Variants in MED25 observed in about 807,000 individuals in gnomAD.
The protein encoded by MED25 is mediator of RNA polymerase II transcription subunit 25.
MED25 carries 62 observed loss-of-function variants against 89.4 expected under a neutral mutation model. The ratio of observed to expected loss-of-function variants is 0.69; its 90% CI spans 0.57 to 0.86. The LOEUF (loss-of-function observed/expected upper bound fraction) is 0.86, where lower values mean the gene tolerates loss of function less well. Among genes scored for constraint, MED25 ranks in the 40% least tolerant of loss-of-function variants. MED25 has a pLI of 0.00. For synonymous variants in MED25, 449 were observed against 427.9 expected, an observed-to-expected ratio of 1.05 and a Z score of -0.61; for missense variants, 905 against 1,005.2, an observed-to-expected ratio of 0.90 and a Z score of 1.35.
Position 49,835,075 on chromosome 19 carries a change from C to CCT in MED25, c.1574_1575dup (p.Ile526SerfsTer72). On this transcript the variant is annotated frameshift_variant, in exon 14 of 18. Coordinates refer to ENST00000312865, the MANE Select transcript of MED25 (RefSeq NM_030973.4). LOFTEE classifies it high-confidence loss of function. The surrounding 1 kb of genome is among the most constrained non-coding windows in gnomAD (Gnocchi z 6.2). Reference sequence around the variant, plus strand: ...CGTCCAAGAAGAAGATCTTCATGGGCCTCATCCCCTACGACCAGAGCGGCT... The same window carrying CCT: ...CGTCCAAGAAGAAGATCTTCATGGGCCTCTCATCCCCTACGACCAGAGCGGCT... The CCT allele has an allele frequency of 6.2e-7, 1 of 1,614,118 alleles. No homozygotes were observed. Among genetic ancestry groups the CCT allele is most frequent in the Non-Finnish European group, 8.5e-7 (1 of 1,180,012 alleles).
rs976984298 is a variant in MED25, at chr19:49,834,579, G to A, written c.1483-407G>A. ...GGGCTGGAGGATCTCTTGGATACCCGGGGTCCGACCCACCGTTGATCACAG... is the reference window on the plus strand; with the variant it reads ...GGGCTGGAGGATCTCTTGGATACCCAGGGTCCGACCCACCGTTGATCACAG... On this transcript the variant is annotated intron_variant, in intron 13 of 17. Transcript: ENST00000312865. The surrounding 1 kb of genome is among the most constrained non-coding windows in gnomAD (Gnocchi z 4.1). 2.7e-5 allele frequency: 8 copies of A among 297,920 alleles called. No individual in the cohort carries two copies. The highest frequency in any genetic ancestry group is 2.3e-4 in the South Asian group (7 of 30,238). 18.5% of individuals were successfully genotyped at this position (297,920 alleles called of 1,614,324 possible). A position where few individuals can be genotyped will look rare whatever the true frequency, so the allele number is the denominator to read the frequency against.
Position 49,835,642 on chromosome 19 carries a change from G to A in MED25, c.1746+37G>A. ...GCTGGCGGGGTCGGGGCTGGGTTGG[G>A]GAGGCCCCAAGGCTGCGCTCTGTGC... On this transcript the variant is annotated intron_variant, in intron 15 of 17. Coordinates refer to ENST00000312865, the MANE Select transcript of MED25 (RefSeq NM_030973.4). This position sits in a 1 kb window ranked among gnomAD's most constrained non-coding sequence, Gnocchi z 6.2. The A allele has an allele frequency of 6.4e-7, 1 of 1,559,042 alleles. No individual in the cohort carries two copies. The highest frequency in any genetic ancestry group is 8.7e-7 in the Non-Finnish European group (1 of 1,152,028).
At chr19:49,826,114 G>A (rs536412435) in intron 3 of MED25, among the ~76,000 whole-genome samples, 1 of 152,296 alleles carries the variant, frequency 6.6e-6, no homozygotes, top group Non-Finnish European at 1.5e-5. Flanking sequence ...GCCGAGGCGG[G>A]TGGATCATAA....
Position 49,835,230 on chromosome 19 carries a change from C to G in MED25, c.1674+53C>G, listed in dbSNP as rs930578234. 1 of 1,590,598 alleles carries G rather than the reference C, an allele frequency of 6.3e-7. No homozygotes were observed. The highest frequency in any genetic ancestry group is 8.6e-7 in the Non-Finnish European group (1 of 1,159,418). ...ACTCCGACCCCCTCCTGCCCGGGCC[C>G]CACATGGCCCCCTGGGGTCTCCAGG... is the stretch of plus-strand genomic sequence containing the variant. On this transcript the variant is annotated intron_variant, in intron 14 of 17. Transcript: ENST00000312865. The surrounding 1 kb of genome is among the most constrained non-coding windows in gnomAD (Gnocchi z 6.2).
In MED25 at chr19:49,834,594, G is replaced by A. The variant is rs1044724709; in HGVS notation, c.1483-392G>A. On this transcript the variant is annotated intron_variant, in intron 13 of 17. Coordinates refer to ENST00000312865, the MANE Select transcript of MED25 (RefSeq NM_030973.4). The surrounding 1 kb of genome is among the most constrained non-coding windows in gnomAD (Gnocchi z 4.1). ...TTGGATACCCGGGGTCCGACCCACC[G>A]TTGATCACAGGCCTGTGGGTACCAC... 9 of 318,738 alleles carry A rather than the reference G, an allele frequency of 2.8e-5. No individual in the cohort carries two copies. Among genetic ancestry groups the A allele is most frequent in the Non-Finnish European group, 4.3e-5 (7 of 162,916 alleles). The allele number at this position is 318,738 out of a possible 1,614,324, so 19.7% of individuals were successfully genotyped here.
At chr19:49,823,251 G>A (rs1420033552) in intron 3 of MED25, among the ~76,000 whole-genome samples, 3 of 152,124 alleles carry the variant, frequency 2.0e-5, no homozygotes, top group African/African-American at 4.8e-5. Flanking sequence ...CCTGAGCTGC[G>A]GTGCCAAGTC....
rs1218452788 is a variant in MED25 at position 49,832,354 on chromosome 19, A to G, written c.1421A>G (p.His474Arg). The G allele has an allele frequency of 1.9e-6, 3 of 1,611,200 alleles. No individual in the cohort carries two copies. In the African/African-American group the frequency reaches 4.0e-5, roughly 22 times the overall value. ...CGGAACTCAAGGATGGTCCAGTTCC[A>G]TTTCACCAACAAGGACCTGGAGTCT... The part of the protein sequence containing the change: ...LFRNSRMVQF[H>R]FTNKDLESLK... The change falls in exon 13 of 18, where the codon CAT (histidine) becomes CGT (arginine). Residue 474 changes from histidine (H) to arginine (R), a missense_variant. By Grantham distance (29) the His-to-Arg change is conservative. This residue lies in a region of MED25 where 133 missense variants were observed against 220.2 expected (regional missense o/e 0.60). Coordinates refer to ENST00000312865, the MANE Select transcript of MED25 (RefSeq NM_030973.4).
rs1240586098 is a variant in MED25 at position 49,828,617 on chromosome 19, G to A, written c.404+70G>A. 2.7e-5 allele frequency: 35 copies of A among 1,294,292 alleles called. No individual in the cohort carries two copies. In the East Asian group the frequency reaches 7.6e-4, roughly 28 times the overall value. The allele number at this position is 1,294,292 out of a possible 1,614,324, so 80.2% of individuals were successfully genotyped here. On this transcript the variant is annotated intron_variant, in intron 4 of 17. Coordinates refer to ENST00000312865, the MANE Select transcript of MED25 (RefSeq NM_030973.4). ...GGCCTGGAACCACTTTGCCTGTCGA[G>A]TGGTTCTACCTCCAGCCTCACCCTG...
At position 49,830,515 on chromosome 19, in the gene MED25, C is replaced by T. The variant is rs1001322913; in HGVS notation, c.824C>T (p.Pro275Leu). ...CTTCTTCCCTTCTACCCACAGGTTC[C>T]CGGGAACCTGAGTGCAGCTCAGGTG... ...LPPVPPQYQV[P>L]GNLSAAQVAA... Residue 275 changes from proline (P) to leucine (L), a missense_variant, in exon 8 of 18, where the codon CCC (proline) becomes CTC (leucine). Pro to Leu is a moderately conservative substitution (Grantham distance 98). Transcript: ENST00000312865. This position sits in a 1 kb window ranked among gnomAD's most constrained non-coding sequence, Gnocchi z 4.6. The T allele has an allele frequency of 1.2e-5, 20 of 1,613,972 alleles. No individual in the cohort carries two copies. Among genetic ancestry groups the T allele is most frequent in the Non-Finnish European group, 1.7e-5 (20 of 1,179,994 alleles).
rs566667553 is a variant in MED25, at chr19:49,835,827, G to T, written c.1847G>T (p.Gly616Val). The change falls in exon 16 of 18, where the codon GGT (glycine) becomes GTT (valine). Residue 616 changes from glycine to valine, a missense_variant. This residue lies in a region of MED25 where 271 missense variants were observed against 258.1 expected (regional missense o/e 1.05). Transcript: ENST00000312865. The surrounding 1 kb of genome is among the most constrained non-coding windows in gnomAD (Gnocchi z 6.2). ...QPQGTAQPPPGAPQGPPGAAS... is the reference protein window; with the variant it reads ...QPQGTAQPPPVAPQGPPGAAS... ...CAAGGTACTGCCCAGCCCCCGCCAG[G>T]TGCCCCTCAAGGCCCTCCTGGAGCA... is the stretch of plus-strand genomic sequence containing the variant. The T allele has an allele frequency of 3.1e-6, 5 of 1,610,842 alleles. No individual in the cohort carries two copies. Among genetic ancestry groups the T allele is most frequent in the Non-Finnish European group, 3.4e-6 (4 of 1,178,566 alleles).
intron 11 of MED25, 25 bp from the exon 12 acceptor site, chr19:49,832,075 A>G: frequency 6.2e-7 from 1 of 1,613,240 alleles, no homozygotes; most frequent in Non-Finnish European, 8.5e-7. Flanking sequence ...CCCCCTCCTC[A>G]CACCTCTCCT....
rs755874787 is a variant in MED25 at position 49,836,591 on chromosome 19, T to G, written c.2146+185T>G. ...ACAGCCCATGGGTCCAAGGACCTAGTGGGTTAAGAGCGTTTCCCATGATCC... is the reference window on the plus strand; with the variant it reads ...ACAGCCCATGGGTCCAAGGACCTAGGGGGTTAAGAGCGTTTCCCATGATCC... On this transcript the variant is annotated intron_variant, in intron 17 of 17. Transcript: ENST00000312865. This position sits in a 1 kb window ranked among gnomAD's most constrained non-coding sequence, Gnocchi z 5.1. 1.3e-6 allele frequency: 1 copy of G among 796,492 alleles called. No individual in the cohort carries two copies. Among genetic ancestry groups the G allele is most frequent in the South Asian group, 1.5e-5 (1 of 68,408 alleles). The allele number at this position is 796,492 out of a possible 1,614,324, so 49.3% of individuals were successfully genotyped here.
downstream of MED25, chr19:49,839,351 G>A (rs1297954057): frequency 1.2e-5 from 2 of 161,756 alleles, no homozygotes; most frequent in South Asian, 1.7e-4. Context: ...GCAAGGACAC[G>A]GAAGTTGGGT....
Position 49,831,286 on chromosome 19 carries a change from T to C in MED25, c.1102-47T>C. 1 of 1,592,668 alleles carries C rather than the reference T, an allele frequency of 6.3e-7. No individual in the cohort carries two copies. Among genetic ancestry groups the C allele is most frequent in the Non-Finnish European group, 8.5e-7 (1 of 1,171,722 alleles). Reference sequence around the variant, plus strand: ...CCCTCACAGGATGGCCCCCGGAGGCTCCCGGCCTTCCCCATTCTCATGGCC... The same window carrying C: ...CCCTCACAGGATGGCCCCCGGAGGCCCCCGGCCTTCCCCATTCTCATGGCC... On this transcript the variant is annotated intron_variant, in intron 9 of 17. Transcript: ENST00000312865. This position sits in a 1 kb window ranked among gnomAD's most constrained non-coding sequence, Gnocchi z 5.0.
chr19:49,839,435 C>G (rs1210147887), downstream of MED25: 2 of 152,922 alleles, frequency 1.3e-5, no homozygotes, highest in Non-Finnish European at 2.9e-5. Context: ...CTCGACACTT[C>G]CGCTCCTGGA....
At chr19:49,819,509 G>T in intron 3 of MED25, 1 of 583,636 alleles carries the variant, frequency 1.7e-6, no homozygotes, top group Non-Finnish European at 3.1e-6. Context: ...TTGGGTTTGA[G>T]CTGCAGGAAA....
At position 49,829,114 on chromosome 19, in the gene MED25, A is replaced by T. The variant is rs1355276653; in HGVS notation, c.525+24A>T. 2 of 1,607,610 alleles carry T rather than the reference A, an allele frequency of 1.2e-6. No homozygotes were observed. The highest frequency in any genetic ancestry group is 8.5e-7 in the Non-Finnish European group (1 of 1,176,440). On this transcript the variant is annotated intron_variant, in intron 5 of 17. Transcript: ENST00000312865. The surrounding 1 kb of genome is among the most constrained non-coding windows in gnomAD (Gnocchi z 4.6). ...AGGTGAGGACTCCAGGGTCTGAGGG[A>T]CGAGGGTCTGGGGGCCCGGAGTCTT...
Position 49,829,826 on chromosome 19 carries a change from C to T in MED25, c.566C>T (p.Pro189Leu). Residue 189 changes from proline (P) to leucine (L), a missense_variant, in exon 6 of 18, where the codon CCT (proline) becomes CTT (leucine). This residue lies in a region of MED25 where 501 missense variants were observed against 526.9 expected (regional missense o/e 0.95). Transcript: ENST00000312865. The surrounding 1 kb of genome is among the most constrained non-coding windows in gnomAD (Gnocchi z 4.6). ...TCCATTGTGTCTCCCCGGAAGCTGC[C>T]TGCGCTTCGGCTTCTGTTTGAGAAG... ...HFSIVSPRKL[P>L]ALRLLFEKAA... 1 of 1,608,024 alleles carries T rather than the reference C, an allele frequency of 6.2e-7. No homozygotes were observed. Among genetic ancestry groups the T allele is most frequent in the Non-Finnish European group, 8.5e-7 (1 of 1,177,490 alleles).
In MED25 at chr19:49,834,797, A is replaced by T. The variant is rs2074083633; in HGVS notation, c.1483-189A>T. On this transcript the variant is annotated intron_variant, in intron 13 of 17. Coordinates refer to ENST00000312865, the MANE Select transcript of MED25 (RefSeq NM_030973.4). The surrounding 1 kb of genome is among the most constrained non-coding windows in gnomAD (Gnocchi z 4.1). ...CCTCTCAGTGGGCAGCTGGAACCCT[A>T]GCTTGCCCTGAGCGCCTCAGTTTCT... 1.6e-6 allele frequency: 1 copy of T among 625,094 alleles called. No individual in the cohort carries two copies. The highest frequency in any genetic ancestry group is 2.6e-5 in the Admixed American group (1 of 38,006). The allele number at this position is 625,094 out of a possible 1,614,324, so 38.7% of individuals were successfully genotyped here. A position where few individuals can be genotyped will look rare whatever the true frequency, so the allele number is the denominator to read the frequency against.
Sources: allele counts gnomAD v4.1 joint callset (sites outside exome capture counted in the v4.1 genomes callset), GRCh38; gene constraint gnomAD v4.1.1; regional missense constraint gnomAD v4.1.1; non-coding constraint Gnocchi (gnomAD v3.1); transcripts MANE v1.5; gene names NCBI Gene and HGNC (gene_info 2026-07-23, HGNC 2026-07-21).